Variants in TRAF3IP1 observed in about 807,000 individuals in gnomAD.
TRAF3IP1 encodes the protein intraflagellar transport 54.
In TRAF3IP1, 53 loss-of-function variants were observed where a neutral mutation model predicts 89.9. The ratio of observed to expected loss-of-function variants is 0.59; its 90% CI spans 0.47 to 0.74. The LOEUF (loss-of-function observed/expected upper bound fraction) is 0.74. Ranked by LOEUF, TRAF3IP1 falls within the 30% of genes least tolerant of loss-of-function variation. The pLI is 0.00. For synonymous variants in TRAF3IP1, 311 were observed against 322.1 expected (o/e 0.97, Z 0.37); for missense variants, 806 against 866.1 (o/e 0.93, Z 0.87).
rs985242912 is a variant in TRAF3IP1 at position 238,329,052 on chromosome 2, G to A, written c.625G>A (p.Gly209Arg). The A allele has an allele frequency of 2.9e-5, 45 of 1,551,562 alleles. No individual in the cohort carries two copies. The highest frequency in any genetic ancestry group is 8.2e-5 in the African/African-American group (6 of 73,020). ...CAAGGAGAAGGCCAAGGAGAATGGC[G>A]GAAACAGACACAGAGAAGGGGAGAG... ...KDKEKAKENG[G>R]NRHREGERER... Residue 209 changes from glycine to arginine, a missense_variant, in exon 5 of 17, where the codon GGA (glycine) becomes AGA (arginine). Gly to Arg is a moderately radical substitution (Grantham distance 125). Around this residue, in one of 3 missense-constraint regions of TRAF3IP1, gnomAD observed 732 missense variants for 780.5 expected, o/e 0.94. Transcript: ENST00000373327.
intron 5 of TRAF3IP1, 49 bp from the exon 6 acceptor site, chr2:238,332,775 T>C (rs2106369450): frequency 1.5e-6 from 2 of 1,360,224 alleles, no homozygotes; most frequent in South Asian, 1.2e-5. Context: ...TTTTTAGATA[T>C]TATGGATTGG....
At chr2:238,376,735 AGTT>A (rs1700332057) in intron 15 of TRAF3IP1, among the ~76,000 whole-genome samples, 1 of 152,152 alleles carries the variant, frequency 6.6e-6, no homozygotes, top group South Asian at 2.1e-4. Flanking sequence ...ATTGTTTTCT[AGTT>A]GTTGATTGCT....
intron 7 of TRAF3IP1, among the ~76,000 whole-genome samples, chr2:238,337,216 G>C (rs965602366): frequency 6.6e-6 from 1 of 152,200 alleles, no homozygotes. Flanking sequence ...AGTTTGTGAT[G>C]AATCTTCAAG....
chr2:238,364,022 C>A (rs1405829929), intron 15 of TRAF3IP1, among the ~76,000 whole-genome samples: 2 of 152,142 alleles, frequency 1.3e-5, no homozygotes, highest in African/African-American at 4.8e-5. Context: ...AATCTATCAC[C>A]ATTATCGATT....
chr2:238,389,231 CA>C (rs1300962179), intron 15 of TRAF3IP1, among the ~76,000 whole-genome samples: 3 of 151,976 alleles, frequency 2.0e-5, no homozygotes, highest in Admixed American at 6.6e-5. Flanking sequence ...ACTTCTGAGA[CA>C]TTTTTTTTTA....
In TRAF3IP1 at chr2:238,328,985, A is replaced by G. The variant is rs1697980331; in HGVS notation, c.558A>G (p.Glu186=). 1 of 1,552,102 alleles carries G rather than the reference A, an allele frequency of 6.4e-7. No homozygotes were observed. Among genetic ancestry groups the G allele is most frequent in the Admixed American group, 2.0e-5 (1 of 50,758 alleles). ...CAAGCAGAGATCGAAAACAGAAGGA[A>G]GAATTGAAAGAAGACCGCAAGCCAA... is the stretch of plus-strand genomic sequence containing the variant. ...RSTSRDRKQK[E]ELKEDRKPRE... is the part of the protein sequence containing the mutation. Residue 186 remains glutamate, a synonymous_variant, in exon 5 of 17, where the codon GAA becomes GAG. Transcript: ENST00000373327.
At chr2:238,381,705 T>C (rs561538287) in intron 15 of TRAF3IP1, among the ~76,000 whole-genome samples, 119 of 152,342 alleles carry the variant, frequency 7.8e-4, no homozygotes, top group African/African-American at 2.7e-3. Context: ...TTTGCACCAC[T>C]GTTACAGGTA....
intron 6 of TRAF3IP1, among the ~76,000 whole-genome samples, chr2:238,333,415 T>A (rs1698224321): frequency 6.6e-6 from 1 of 152,116 alleles, no homozygotes; most frequent in Admixed American, 6.5e-5. Flanking sequence ...AAGCCAACTT[T>A]CGTAATCCAA....
At chr2:238,348,924 G>A in intron 11 of TRAF3IP1, 76 bp downstream of exon 11, 1 of 1,285,746 alleles carries the variant, frequency 7.8e-7, no homozygotes, top group South Asian at 1.2e-5. Flanking sequence ...CTTTCTGGCT[G>A]CTGCTATTTA....
chr2:238,321,202 C>T (rs1697522311), intron 1 of TRAF3IP1, among the ~76,000 whole-genome samples: 1 of 152,224 alleles, frequency 6.6e-6, no homozygotes, highest in Non-Finnish European at 1.5e-5. Flanking sequence ...TTACTTCTTC[C>T]CTGCCTGCCC....
At chr2:238,352,196 C>G (rs951251827) in intron 12 of TRAF3IP1, among the ~76,000 whole-genome samples, 1 of 152,048 alleles carries the variant, frequency 6.6e-6, no homozygotes, top group Admixed American at 6.5e-5. Flanking sequence ...CCAAGGAGGA[C>G]AAGGTCTGGG....
chr2:238,321,994 C>T (rs1189141446), intron 1 of TRAF3IP1, among the ~76,000 whole-genome samples: 2 of 152,202 alleles, frequency 1.3e-5, no homozygotes, highest in Non-Finnish European at 2.9e-5. Context: ...AAAATGCTCT[C>T]GAATCCACCC....
In TRAF3IP1 at chr2:238,332,837, G is replaced by A. The variant is rs1435953330; in HGVS notation, c.929G>A (p.Gly310Glu). The change falls in exon 6 of 17, where the codon GGG (glycine) becomes GAG (glutamate). Residue 310 changes from glycine (G) to glutamate (E), a missense_variant. By Grantham distance (98) the Gly-to-Glu change is moderately conservative. This residue lies in a region of TRAF3IP1 where 732 missense variants were observed against 780.5 expected (regional missense o/e 0.94). Coordinates refer to ENST00000373327, the MANE Select transcript of TRAF3IP1 (RefSeq NM_015650.4). Reference protein sequence around the residue: ...DKPEKKSASSGEMSKKLSDGT... With the variant: ...DKPEKKSASSEEMSKKLSDGT... ...TTTTTTTAATAGTCAGCAAGCTCAG[G>A]GGAGATGTCTAAAAAGTTATCAGAT... is the stretch of plus-strand genomic sequence containing the variant. 6.2e-7 allele frequency: 1 copy of A among 1,612,236 alleles called. No homozygotes were observed. Among genetic ancestry groups the A allele is most frequent in the Non-Finnish European group, 8.5e-7 (1 of 1,178,924 alleles).
intron 15 of TRAF3IP1, among the ~76,000 whole-genome samples, chr2:238,369,860 T>G (rs1375524098): frequency 2.6e-5 from 4 of 152,218 alleles, no homozygotes; most frequent in Non-Finnish European, 5.9e-5. Context: ...GCCTTCCACT[T>G]GGACTCTGTG....
At chr2:238,388,374 CAAAAA>C (rs71043134) in intron 15 of TRAF3IP1, among the ~76,000 whole-genome samples, 1 of 101,656 alleles carries the variant, frequency 9.8e-6, no homozygotes, top group Non-Finnish European at 1.8e-5. Context: ...GACCCTGTCT[CAAAAA>C]AAAAAAAAAA....
chr2:238,384,658 C>T (rs1222813145), intron 15 of TRAF3IP1, among the ~76,000 whole-genome samples: 1 of 151,148 alleles, frequency 6.6e-6, no homozygotes, highest in African/African-American at 2.4e-5. Flanking sequence ...GCTGGGATTA[C>T]AGGCGTGAGC....
intron 15 of TRAF3IP1, among the ~76,000 whole-genome samples, chr2:238,388,250 C>G (rs1197054131): frequency 6.6e-6 from 1 of 151,726 alleles, no homozygotes; most frequent in Admixed American, 6.6e-5. Flanking sequence ...TGATGCGTGC[C>G]TATAATCCCA....
chr2:238,340,091 G>A (rs900641123), intron 8 of TRAF3IP1, among the ~76,000 whole-genome samples: 2 of 152,238 alleles, frequency 1.3e-5, no homozygotes, highest in African/African-American at 4.8e-5. Flanking sequence ...CAGGAGCAGA[G>A]TCTGGGCTCT....
At chr2:238,386,379 T>C (rs1257789105) in intron 15 of TRAF3IP1, among the ~76,000 whole-genome samples, 1 of 152,088 alleles carries the variant, frequency 6.6e-6, no homozygotes, top group Non-Finnish European at 1.5e-5. Context: ...GTGGTGTGAT[T>C]TTGGCTCACT....
Sources: gnomAD v4.1 joint callset for allele counts (sites outside exome capture counted in the v4.1 genomes callset) on GRCh38, gnomAD v4.1.1 for gene constraint, gnomAD v4.1.1 regional missense constraint, MANE v1.5 for transcripts, NCBI Gene and HGNC (gene_info 2026-07-23, HGNC 2026-07-21) for gene names.